The following FSD2 variants were observed in gnomAD, a reference collection of about 807,000 sequenced individuals.
FSD2 encodes fibronectin type III and SPRY domain containing 2, also known as fibronectin type III and SPRY domain-containing protein 2.
A neutral mutation model predicts 80.4 loss-of-function variants in FSD2; 71 were observed. The observed-to-expected ratio is 0.88, with a 90% CI of 0.73 to 1.08. The LOEUF is 1.08. FSD2 is among the 50% of genes least tolerant of loss of function. The pLI is 0.00. For synonymous variants in FSD2, 361 were observed against 329.5 expected (o/e 1.10, Z -1.03); for missense variants, 923 against 913.8 (o/e 1.01, Z -0.13).
At chr15:82,789,675 C>T (rs1298298286) in intron 1 of FSD2, among the ~76,000 whole-genome samples, 1 of 152,164 alleles carries the variant, frequency 6.6e-6, no homozygotes, top group Non-Finnish European at 1.5e-5. Context: ...GTTTCAGTTG[C>T]CCTCTGAAGT....
At position 82,769,886 on chromosome 15, in the gene FSD2, T is replaced by G. The variant is rs764655310; in HGVS notation, c.1268-2A>C. On this transcript the variant is annotated splice_acceptor_variant, in intron 7 of 12. Transcript: ENST00000334574. LOFTEE classifies it high-confidence loss of function. ...TTTCTTTGACAGTCACTGTAAACTC[T>G]GGGGAAAAAAAAAGATAAGAATTCA... 6.8e-6 allele frequency: 11 copies of G among 1,611,430 alleles called. No homozygotes were observed. The highest frequency in any genetic ancestry group is 8.5e-6 in the Non-Finnish European group (10 of 1,179,044).
intron 4 of FSD2, among the ~76,000 whole-genome samples, chr15:82,782,354 C>T (rs187739781): frequency 1.4e-4 from 21 of 152,144 alleles, no homozygotes; most frequent in East Asian, 3.9e-4. Context: ...GAGCCGAGAT[C>T]GCGCCACTGC....
At chr15:82,781,731 C>G (rs539194920) in intron 4 of FSD2, among the ~76,000 whole-genome samples, 1 of 152,250 alleles carries the variant, frequency 6.6e-6, no homozygotes, top group Non-Finnish European at 1.5e-5. Flanking sequence ...CTCCCCAGAG[C>G]TCCAAGAGGC....
chr15:82,793,359 C>T (rs1014523504), intron 1 of FSD2, among the ~76,000 whole-genome samples: 1 of 151,764 alleles, frequency 6.6e-6, no homozygotes. Context: ...TAACTTTATC[C>T]GAAAGGAATT....
At chr15:82,771,620 A>G (rs1422848272) in intron 7 of FSD2, among the ~76,000 whole-genome samples, 1 of 152,202 alleles carries the variant, frequency 6.6e-6, no homozygotes, top group Non-Finnish European at 1.5e-5. Context: ...CAGCCCTTCC[A>G]GGCTGCAGAG....
intron 11 of FSD2, among the ~76,000 whole-genome samples, chr15:82,763,706 C>G (rs1172063230): frequency 6.6e-6 from 1 of 152,122 alleles, no homozygotes; most frequent in Non-Finnish European, 1.5e-5. Context: ...CTTTCCCTCT[C>G]CCTCCCCAGC....
chr15:82,775,827 TG>T (rs1355116561), intron 6 of FSD2, among the ~76,000 whole-genome samples: 1 of 152,232 alleles, frequency 6.6e-6, no homozygotes, highest in Non-Finnish European at 1.5e-5. Context: ...AGTTTTGGTA[TG>T]TTGTGTTTCA....
intron 1 of FSD2, among the ~76,000 whole-genome samples, chr15:82,798,040 C>T (rs1211219147): frequency 6.6e-6 from 1 of 151,932 alleles, no homozygotes; most frequent in Non-Finnish European, 1.5e-5. Context: ...ACTTTCCAAG[C>T]ACAGAAAAAT....
At position 82,755,911 on chromosome 15, in the gene FSD2, CAG is replaced by C. The variant is rs2049165217; in HGVS notation, c.*3435_*3436del. 2.0e-6 allele frequency: 1 copy of C among 491,896 alleles called. No homozygotes were observed. Among genetic ancestry groups the C allele is most frequent in the African/African-American group, 2.0e-5 (1 of 51,014 alleles). 30.5% of individuals were successfully genotyped at this position (491,896 alleles called of 1,614,324 possible). On this transcript the variant is annotated 3_prime_UTR_variant, in exon 13 of 13. Coordinates refer to ENST00000334574, the MANE Select transcript of FSD2 (RefSeq NM_001007122.4). ...TTGAGTATCTTGACTTGTTAAAGGA[CAG>C]TGTTTTAAAAGCTGGATTTGGTTAT... is the stretch of plus-strand genomic sequence containing the variant.
chr15:82,783,122 A>G (rs776427162), intron 3 of FSD2, 97 bp from the exon 4 acceptor site: 2 of 895,694 alleles, frequency 2.2e-6, no homozygotes, highest in Non-Finnish European at 1.7e-6. Context: ...TTTTTGAGAC[A>G]CAGTCTTGCA....
At chr15:82,784,763 A>G (rs1048152504) in intron 3 of FSD2, among the ~76,000 whole-genome samples, 5 of 152,300 alleles carry the variant, frequency 3.3e-5, no homozygotes, top group Admixed American at 3.3e-4. Context: ...TGTTGGTACC[A>G]TCCGAAGCTG....
Position 82,765,197 on chromosome 15 carries a change from C to G in FSD2, c.1789G>C (p.Glu597Gln), listed in dbSNP as rs773915508. 44 of 1,606,200 alleles carry G rather than the reference C, an allele frequency of 2.7e-5. No individual in the cohort carries two copies. Among genetic ancestry groups the G allele is most frequent in the Non-Finnish European group, 3.3e-5 (39 of 1,175,872 alleles). ...VRSERRTPAR[E>Q]LSPSDTHFTR... Reference sequence around the variant, plus strand: ...AAGTGAGTGTCGCTGGGTGACAGCTCCCTGGCGGGGGTTCTCCTTTCACTT... The same window carrying G: ...AAGTGAGTGTCGCTGGGTGACAGCTGCCTGGCGGGGGTTCTCCTTTCACTT... The change falls in exon 11 of 13, where the codon GAG becomes CAG. Residue 597 changes from glutamate to glutamine, a missense_variant. Glu to Gln is a conservative substitution (Grantham distance 29). Coordinates refer to ENST00000334574, the MANE Select transcript of FSD2 (RefSeq NM_001007122.4).
At chr15:82,769,646 C>G in intron 8 of FSD2, 104 bp downstream of exon 8, 1 of 1,342,530 alleles carries the variant, frequency 7.4e-7, no homozygotes, top group South Asian at 1.5e-5. Flanking sequence ...ACAGCTCTTC[C>G]TACCCTTCTG....
intron 4 of FSD2, among the ~76,000 whole-genome samples, chr15:82,781,685 G>C (rs959683582): frequency 2.0e-5 from 3 of 152,106 alleles, no homozygotes; most frequent in African/African-American, 7.2e-5. Flanking sequence ...CTTGTAACTG[G>C]GAAATTTAAG....
intron 6 of FSD2, among the ~76,000 whole-genome samples, chr15:82,773,352 T>C (rs1042371891): frequency 1.3e-5 from 2 of 152,220 alleles, no homozygotes; most frequent in East Asian, 1.9e-4. Flanking sequence ...CAATAACTTA[T>C]ATCCCCAGTG....
At position 82,772,212 on chromosome 15, in the gene FSD2, G is replaced by T; in HGVS notation, c.1128C>A (p.Val376=). ...CTGAGTTAGGGACCTGTGGATTTAT[G>T]ACTGGAGCAGAAGGAGCTAGGAAAA... The part of the protein sequence containing the change: ...INTIPAPSAP[V]INPQVPNSAT... The change falls in exon 7 of 13, where the codon GTC becomes GTA. Residue 376 remains valine (V), a synonymous_variant. Coordinates refer to ENST00000334574, the MANE Select transcript of FSD2 (RefSeq NM_001007122.4). 1 of 1,611,676 alleles carries T rather than the reference G, an allele frequency of 6.2e-7. No homozygotes were observed. Among genetic ancestry groups the T allele is most frequent in the South Asian group, 1.1e-5 (1 of 90,372 alleles).
intron 3 of FSD2, among the ~76,000 whole-genome samples, chr15:82,786,061 C>T (rs2049988167): frequency 4.0e-5 from 6 of 151,820 alleles, no homozygotes; most frequent in Admixed American, 3.9e-4. Context: ...ATGATGAAAA[C>T]AGTATACATT....
chr15:82,757,549 G>C lies in FSD2; in HGVS notation c.*1799C>G, dbSNP rs1432502519. On this transcript the variant is annotated 3_prime_UTR_variant, in exon 13 of 13. Coordinates refer to ENST00000334574, the MANE Select transcript of FSD2 (RefSeq NM_001007122.4). The stretch of plus-strand genomic sequence containing the variant: ...GGGTTTCACCGTATTAGCCAGGATG[G>C]TCTCGATCTCCTGACCTTGTGATCC... The C allele has an allele frequency of 6.6e-6, 1 of 151,964 alleles. No homozygotes were observed. Among genetic ancestry groups the C allele is most frequent in the African/African-American group, 2.4e-5 (1 of 41,354 alleles). The allele number at this position is 151,964 out of a possible 1,614,324, so 9.4% of individuals were successfully genotyped here. A position where few individuals can be genotyped will look rare whatever the true frequency, so the allele number is the denominator to read the frequency against.
At chr15:82,761,019 T>C (rs1365800718) in intron 12 of FSD2, among the ~76,000 whole-genome samples, 1 of 152,210 alleles carries the variant, frequency 6.6e-6, no homozygotes, top group Non-Finnish European at 1.5e-5. Flanking sequence ...TGCCTCAGTG[T>C]ATAGTAATTC....
Sources: allele counts gnomAD v4.1 joint callset (sites outside exome capture counted in the v4.1 genomes callset), GRCh38; gene constraint gnomAD v4.1.1; transcripts MANE v1.5; gene names NCBI Gene and HGNC (gene_info 2026-07-23, HGNC 2026-07-21).